PTPRD: variants seen among roughly 807,000 people sequenced by gnomAD.
PTPRD encodes receptor-type tyrosine-protein phosphatase delta.
In PTPRD, 34 loss-of-function variants were observed where a neutral mutation model predicts 214.5. The observed-to-expected ratio is 0.16, with a 90% CI of 0.12 to 0.21. The LOEUF (loss-of-function observed/expected upper bound fraction) is 0.21, where lower values mean the gene tolerates loss of function less well. PTPRD is among the 10% of genes least tolerant of loss of function. PTPRD has a pLI of 1.00. For missense variants in PTPRD, 2,545 were observed against 2,398.7 expected (o/e 1.06, Z -1.27); for synonymous variants, 1,128 against 845.7 (o/e 1.33, Z -5.79).
chr9:9,100,059 G>C (rs2099789197), intron 10 of PTPRD, among the ~76,000 whole-genome samples: 1 of 152,036 alleles, frequency 6.6e-6, no homozygotes, highest in South Asian at 2.1e-4. Context: ...TCCTCTTTTT[G>C]TGATGATTAT....
At chr9:8,385,141 C>A (rs1372611470) in intron 37 of PTPRD, among the ~76,000 whole-genome samples, 1 of 152,176 alleles carries the variant, frequency 6.6e-6, no homozygotes, top group African/African-American at 2.4e-5. Context: ...GCTAAGGAAT[C>A]CAGAAGCCTT....
chr9:9,913,354 C>CTATA (rs1177200528), intron 5 of PTPRD, among the ~76,000 whole-genome samples: 1 of 151,786 alleles, frequency 6.6e-6, no homozygotes, highest in Non-Finnish European at 1.5e-5. Flanking sequence ...TAAATACATG[C>CTATA]TATATAAATT....
chr9:8,841,378 T>A (rs140818406), intron 11 of PTPRD, among the ~76,000 whole-genome samples: 1 of 152,204 alleles, frequency 6.6e-6, no homozygotes, highest in Non-Finnish European at 1.5e-5. Context: ...GTCCTTGCAA[T>A]CAATCACCTC....
chr9:8,606,685 A>G (rs2095232637), intron 14 of PTPRD, among the ~76,000 whole-genome samples: 1 of 152,186 alleles, frequency 6.6e-6, no homozygotes, highest in South Asian at 2.1e-4. Flanking sequence ...CCTTCTGCAC[A>G]TGAAAACAAT....
intron 10 of PTPRD, among the ~76,000 whole-genome samples, chr9:9,088,647 C>A (rs1321333310): frequency 7.2e-6 from 1 of 139,282 alleles, no homozygotes; most frequent in African/African-American, 2.6e-5. Flanking sequence ...AAAGGACCTT[C>A]ATACTTTACA....
rs1284133033 is a variant in PTPRD at position 10,101,940 on chromosome 9, T to TA, written c.-544-68151dup. On this transcript the variant is annotated intron_variant, in intron 3 of 45. Coordinates refer to ENST00000381196, the MANE Select transcript of PTPRD (RefSeq NM_002839.4). ...ATTTAAGGATACACTGCTAACTCCT[T>TA]AGCTACAAGAAGAAAAGCCATATGT... Among the ~76,000 whole-genome samples, 3 of 151,762 alleles carry TA rather than the reference T, an allele frequency of 2.0e-5. No individual in the cohort carries two copies. The East Asian group carries it at 5.8e-4, about 30-fold the overall frequency.
At chr9:8,332,338 G>T (rs548127301) in intron 43 of PTPRD, among the ~76,000 whole-genome samples, 13 of 152,242 alleles carry the variant, frequency 8.5e-5, no homozygotes, top group Non-Finnish European at 1.5e-4. Flanking sequence ...TGCCCCCCAT[G>T]TCTCAGAGGA....
intron 10 of PTPRD, among the ~76,000 whole-genome samples, chr9:9,101,005 C>T (rs994395508): frequency 1.3e-5 from 2 of 151,656 alleles, no homozygotes; most frequent in Non-Finnish European, 2.9e-5. Flanking sequence ...TTTATCATAC[C>T]TGATCATTTG....
chr9:9,528,064 C>T (rs111540624), intron 8 of PTPRD, among the ~76,000 whole-genome samples: 3 of 152,250 alleles, frequency 2.0e-5, no homozygotes, highest in African/African-American at 7.2e-5. Context: ...GGAGACAATC[C>T]AGCCATCTTG....
At chr9:9,927,551 G>C (rs918222179) in intron 5 of PTPRD, among the ~76,000 whole-genome samples, 2 of 152,042 alleles carry the variant, frequency 1.3e-5, no homozygotes, top group Admixed American at 6.6e-5. Flanking sequence ...ATTGGTGTCT[G>C]ATCTCTCCTT....
intron 6 of PTPRD, among the ~76,000 whole-genome samples, chr9:9,749,824 C>G (rs879166679): frequency 6.6e-6 from 1 of 152,104 alleles, no homozygotes; most frequent in East Asian, 1.9e-4. Flanking sequence ...TCTCTTTCCT[C>G]CCCTCATCCA....
At position 10,537,413 on chromosome 9, in the gene PTPRD, A is replaced by G. The variant is rs961072983; in HGVS notation, c.-600+74985T>C. 3.3e-5 allele frequency among the ~76,000 whole-genome samples: 5 copies of G among 152,224 alleles called. No individual in the cohort carries two copies. In the South Asian group the frequency reaches 1.0e-3, roughly 32 times the overall value. Reference sequence around the variant, plus strand: ...TTTTGCTGCTGTTAATTTGTGTTGTACTTATTTTTATAATGTGAGATCGAG... The same window carrying G: ...TTTTGCTGCTGTTAATTTGTGTTGTGCTTATTTTTATAATGTGAGATCGAG... On this transcript the variant is annotated intron_variant, in intron 2 of 45. Coordinates refer to ENST00000381196, the MANE Select transcript of PTPRD (RefSeq NM_002839.4).
intron 2 of PTPRD, among the ~76,000 whole-genome samples, chr9:10,462,861 TATTA>T (rs1444532113): frequency 4.6e-5 from 7 of 151,314 alleles, no homozygotes; most frequent in South Asian, 2.1e-4. Context: ...CAAATTAGCA[TATTA>T]ATTATTGTAT....
intron 13 of PTPRD, among the ~76,000 whole-genome samples, chr9:8,635,848 T>C (rs1458928702): frequency 6.6e-6 from 1 of 152,092 alleles, no homozygotes; most frequent in Non-Finnish European, 1.5e-5. Context: ...TCTGTGTAGC[T>C]TTCTATATAT....
chr9:9,869,753 A>G (rs2064952782), intron 5 of PTPRD, among the ~76,000 whole-genome samples: 1 of 151,986 alleles, frequency 6.6e-6, no homozygotes, highest in Admixed American at 6.6e-5. Flanking sequence ...ATTAGTAACA[A>G]AAACAGTTTT....
chr9:8,432,543 A>G (rs2095124422), intron 35 of PTPRD, among the ~76,000 whole-genome samples: 1 of 152,208 alleles, frequency 6.6e-6, no homozygotes, highest in African/African-American at 2.4e-5. Flanking sequence ...GCATCTTACA[A>G]GTTCTGAGTA....
intron 11 of PTPRD, among the ~76,000 whole-genome samples, chr9:8,808,628 G>T (rs1371484324): frequency 1.3e-5 from 2 of 151,972 alleles, no homozygotes; most frequent in African/African-American, 4.8e-5. Context: ...AAGTAAAGCA[G>T]TAGACTCAAT....
At chr9:8,514,026 C>T (rs1196479229) in intron 21 of PTPRD, among the ~76,000 whole-genome samples, 1 of 152,076 alleles carries the variant, frequency 6.6e-6, no homozygotes, top group Non-Finnish European at 1.5e-5. Context: ...TCCCATTCAT[C>T]TAGATTTTCT....
chr9:9,829,420 T>C (rs1231328570), intron 5 of PTPRD, among the ~76,000 whole-genome samples: 1 of 151,884 alleles, frequency 6.6e-6, no homozygotes, highest in Non-Finnish European at 1.5e-5. Flanking sequence ...AGCACAGGTG[T>C]TGTGGAATTC....
Sources: gnomAD v4.1 joint callset for allele counts (sites outside exome capture counted in the v4.1 genomes callset) on GRCh38, gnomAD v4.1.1 for gene constraint, MANE v1.5 for transcripts, NCBI Gene and HGNC (gene_info 2026-07-23, HGNC 2026-07-21) for gene names.